The following NUP88 variants were observed in gnomAD, a reference collection of about 807,000 sequenced individuals.
The protein encoded by NUP88 is nuclear pore complex protein Nup88.
NUP88 carries 57 observed loss-of-function variants against 93.9 expected under a neutral mutation model. The observed-to-expected ratio is 0.61, with a 90% confidence interval of 0.49 to 0.76. The LOEUF (loss-of-function observed/expected upper bound fraction) is 0.76, where lower values mean the gene tolerates loss of function less well. Among genes scored for constraint, NUP88 ranks in the 30% least tolerant of loss-of-function variants. The pLI, the probability that NUP88 is intolerant of heterozygous loss-of-function variation, is 0.00. For synonymous variants in NUP88, 346 were observed against 336.8 expected (o/e 1.03, Z -0.30); for missense variants, 911 against 901.0 (o/e 1.01, Z -0.14).
intron 4 of NUP88, among the ~76,000 whole-genome samples, chr17:5,409,116 G>A (rs1388091612): frequency 1.3e-5 from 2 of 152,212 alleles, no homozygotes; most frequent in African/African-American, 4.8e-5. Flanking sequence ...GCTCATGCCT[G>A]TAATCCCAGC....
Position 5,385,000 on chromosome 17 carries a change from G to C in NUP88, c.*1206C>G, listed in dbSNP as rs1331964771. ...CAGCCTTTCTGAACTGACTGAACTA[G>C]AGCTTGCAGTGAAGTGTTCTGCTGA... On this transcript the variant is annotated 3_prime_UTR_variant, in exon 17 of 17. Coordinates refer to ENST00000573584, the MANE Select transcript of NUP88 (RefSeq NM_002532.6). 1 of 228,820 alleles carries C rather than the reference G, an allele frequency of 4.4e-6. No individual in the cohort carries two copies. Among genetic ancestry groups the C allele is most frequent in the East Asian group, 6.3e-5 (1 of 15,926 alleles). The allele number at this position is 228,820 out of a possible 1,614,324, so 14.2% of individuals were successfully genotyped here.
At chr17:5,404,868 C>A (rs984293743) in intron 6 of NUP88, among the ~76,000 whole-genome samples, 189 bp downstream of exon 6, 1 of 152,196 alleles carries the variant, frequency 6.6e-6, no homozygotes, top group Non-Finnish European at 1.5e-5. Flanking sequence ...GTAAGTTGGG[C>A]AACCTTCTAA....
At chr17:5,417,749 G>A (rs905501095) in intron 1 of NUP88, among the ~76,000 whole-genome samples, 3 of 152,014 alleles carry the variant, frequency 2.0e-5, no homozygotes, top group Non-Finnish European at 2.9e-5. Context: ...TGAGGCAGGA[G>A]AATCGCTTGA....
chr17:5,403,270 G>A (rs1183031260), intron 7 of NUP88, among the ~76,000 whole-genome samples: 2 of 151,980 alleles, frequency 1.3e-5, no homozygotes, highest in African/African-American at 4.8e-5. Context: ...AAGGTCAGGA[G>A]TTCGATACCA....
At chr17:5,404,605 ACT>A (rs757182940) in intron 6 of NUP88, among the ~76,000 whole-genome samples, 4 of 152,086 alleles carry the variant, frequency 2.6e-5, no homozygotes, top group Non-Finnish European at 5.9e-5. Flanking sequence ...CAAGAGCGAA[ACT>A]CTGTCTCCAA....
chr17:5,411,393 G>A (rs1257325377), intron 3 of NUP88, among the ~76,000 whole-genome samples: 2 of 151,840 alleles, frequency 1.3e-5, no homozygotes, highest in Admixed American at 1.3e-4. Context: ...ATGAAACCCC[G>A]TCTCTACTAA....
chr17:5,404,815 G>A (rs1913397651), intron 6 of NUP88, among the ~76,000 whole-genome samples: 1 of 152,168 alleles, frequency 6.6e-6, no homozygotes, highest in Non-Finnish European at 1.5e-5. Flanking sequence ...CCTGAAGATT[G>A]CAATATAGAG....
chr17:5,392,281 C>G (rs1377392074), intron 9 of NUP88, among the ~76,000 whole-genome samples: 1 of 152,234 alleles, frequency 6.6e-6, no homozygotes, highest in African/African-American at 2.4e-5. Context: ...GTACCATCAA[C>G]TGTGTCGTTT....
chr17:5,402,555 T>G (rs1050760283), intron 7 of NUP88, among the ~76,000 whole-genome samples: 21 of 152,236 alleles, frequency 1.4e-4, no homozygotes, highest in Middle Eastern at 3.2e-3. Context: ...TTCTGCCCCC[T>G]TAAATGTTTT....
Position 5,385,514 on chromosome 17 carries a change from CTT to C in NUP88, c.*690_*691del, listed in dbSNP as rs1911882870. Reference sequence around the variant, plus strand: ...CACATTGGCAAGTGTAAAAAGATGACTTAAGGTGAAGTGAGGACAAAATCACA... The same window carrying C: ...CACATTGGCAAGTGTAAAAAGATGACAAGGTGAAGTGAGGACAAAATCACA... On this transcript the variant is annotated 3_prime_UTR_variant, in exon 17 of 17. Transcript: ENST00000573584. The C allele has an allele frequency of 4.3e-6, 1 of 230,702 alleles. No individual in the cohort carries two copies. Among genetic ancestry groups the C allele is most frequent in the African/African-American group, 2.2e-5 (1 of 45,202 alleles). The allele number at this position is 230,702 out of a possible 1,614,324, so 14.3% of individuals were successfully genotyped here.
At chr17:5,412,844 A>G (rs530616001) in intron 3 of NUP88, among the ~76,000 whole-genome samples, 19 of 152,284 alleles carry the variant, frequency 1.2e-4, no homozygotes, top group Non-Finnish European at 2.5e-4. Flanking sequence ...TGAAGGAGTT[A>G]GATTTGGAGG....
chr17:5,405,514 G>C (rs1033697032), intron 5 of NUP88, among the ~76,000 whole-genome samples: 1 of 152,156 alleles, frequency 6.6e-6, no homozygotes, highest in Non-Finnish European at 1.5e-5. Context: ...GGAGGTATTA[G>C]CATCTAGTGG....
chr17:5,412,656 AC>A (rs953881936), intron 3 of NUP88, among the ~76,000 whole-genome samples: 2 of 150,196 alleles, frequency 1.3e-5, no homozygotes, highest in African/African-American at 4.9e-5. Flanking sequence ...ACACCACCCC[AC>A]CCCCCCACAT....
At chr17:5,401,392 CA>C (rs1202093875) in intron 7 of NUP88, among the ~76,000 whole-genome samples, 4 of 49,854 alleles carry the variant, frequency 8.0e-5, no homozygotes, top group African/African-American at 1.4e-4. Flanking sequence ...CAAAAAAAAA[CA>C]CAAAATAATA....
chr17:5,397,362 T>A (rs1324826906), intron 8 of NUP88, among the ~76,000 whole-genome samples: 7 of 142,432 alleles, frequency 4.9e-5, no homozygotes, highest in African/African-American at 1.6e-4. Flanking sequence ...TTTTTTTTTT[T>A]AAATAGGGAC....
chr17:5,416,159 A>T (rs1440457600), intron 2 of NUP88, among the ~76,000 whole-genome samples: 1,108 of 70,192 alleles, frequency 0.016, 10 homozygotes, highest in Non-Finnish European at 0.023. Flanking sequence ...AAAAAAAAAA[A>T]AAAAAAAGTA....
intron 1 of NUP88, among the ~76,000 whole-genome samples, chr17:5,417,520 C>T (rs1320046005): frequency 4.6e-5 from 7 of 151,992 alleles, no homozygotes; most frequent in Non-Finnish European, 8.8e-5. Flanking sequence ...AGACCCAGCC[C>T]CTGCCTTGGA....
intron 11 of NUP88, 45 bp from the exon 12 acceptor site, chr17:5,387,949 A>C: frequency 6.5e-7 from 1 of 1,547,294 alleles, no homozygotes; most frequent in Non-Finnish European, 8.7e-7. Context: ...GCTGAGTAAA[A>C]CAACTGAAAA....
chr17:5,401,445 T>C (rs1420772293), intron 7 of NUP88, among the ~76,000 whole-genome samples: 1 of 152,166 alleles, frequency 6.6e-6, no homozygotes, highest in Admixed American at 6.5e-5. Flanking sequence ...AAGGTATATA[T>C]TAAAGCTGAT....
Sources: gnomAD v4.1 joint callset for allele counts (sites outside exome capture counted in the v4.1 genomes callset) on GRCh38, gnomAD v4.1.1 for gene constraint, MANE v1.5 for transcripts, NCBI Gene and HGNC (gene_info 2026-07-23, HGNC 2026-07-21) for gene names.